Variants in CLNK observed in about 807,000 individuals in gnomAD.
CLNK encodes the protein cytokine dependent hematopoietic cell linker.
In CLNK, 74 loss-of-function variants were observed where a neutral mutation model predicts 68.6. The observed-to-expected ratio is 1.08, with a 90% CI of 0.89 to 1.31. The LOEUF is 1.31. Among genes scored for constraint, CLNK ranks in the 50% most tolerant of loss-of-function variants. The probability of loss-of-function intolerance (pLI) is 0.00; values close to 1 mark genes in which losing one functional copy is unlikely to be tolerated. For synonymous variants in CLNK, 198 were observed against 172.2 expected (o/e 1.15, Z -1.17); for missense variants, 553 against 515.3 (o/e 1.07, Z -0.71).
At chr4:10,568,687 A>G (rs1025722635) in intron 5 of CLNK, among the ~76,000 whole-genome samples, 1 of 152,224 alleles carries the variant, frequency 6.6e-6, no homozygotes, top group African/African-American at 2.4e-5. Flanking sequence ...TACAACAGAA[A>G]GGAACTGGAT....
the CLNK span, among the ~76,000 whole-genome samples, chr4:10,690,318 C>T: frequency 0.17 from 26,315 of 152,118 alleles, 2,835 homozygotes; most frequent in Non-Finnish European, 0.24. Flanking sequence ...AGTATAAGAG[C>T]TCATCCGGCA....
rs186141381 is a variant in CLNK at position 10,570,248 on chromosome 4, A to G, written c.150+1493T>C. Among the ~76,000 whole-genome samples, 717 of 152,260 alleles carry G rather than the reference A, an allele frequency of 4.7e-3. 4 individuals carry two copies. The highest frequency in any genetic ancestry group is 6.5e-3 in the Non-Finnish European group (443 of 68,036). On this transcript the variant is annotated intron_variant, in intron 5 of 18. Transcript: ENST00000226951. ...AGAACTGGGATGTGAGCCTGAACCC[A>G]TTTTCCAACTTTCCACCCAATACCT...
At chr4:10,727,417 A>G in the CLNK span, among the ~76,000 whole-genome samples, 2 of 152,236 alleles carry the variant, frequency 1.3e-5, no homozygotes, top group Non-Finnish European at 2.9e-5. Flanking sequence ...TCACCAAGAC[A>G]TTCACTCACT....
chr4:10,671,850 G>T (rs1343178939), intron 1 of CLNK, among the ~76,000 whole-genome samples: 1 of 152,124 alleles, frequency 6.6e-6, no homozygotes, highest in Non-Finnish European at 1.5e-5. Flanking sequence ...CCTTGAATTG[G>T]CTTAGGTCAG....
At position 10,680,482 on chromosome 4, in the gene CLNK, C is replaced by T. The variant is rs188425881; in HGVS notation, c.-43+4186G>A. On this transcript the variant is annotated intron_variant, in intron 1 of 18. Coordinates refer to ENST00000226951, the MANE Select transcript of CLNK (RefSeq NM_052964.4). ...TGTATACATATGTAACAAACCTGCA[C>T]GTTGTGCACATGTACCCTAAAACTT... Among the ~76,000 whole-genome samples the T allele has an allele frequency of 6.4e-3, 974 of 151,710 alleles. 8 individuals carry two copies. Among genetic ancestry groups the T allele is most frequent in the African/African-American group, 0.022 (900 of 41,326 alleles).
intron 2 of CLNK, among the ~76,000 whole-genome samples, chr4:10,648,057 T>C (rs1310296583): frequency 6.6e-6 from 1 of 152,180 alleles, no homozygotes; most frequent in Non-Finnish European, 1.5e-5. Flanking sequence ...CCAGAAAAAA[T>C]TGGAATCATG....
At chr4:10,626,286 T>G (rs933484525) in intron 2 of CLNK, among the ~76,000 whole-genome samples, 1 of 152,204 alleles carries the variant, frequency 6.6e-6, no homozygotes, top group African/African-American at 2.4e-5. Flanking sequence ...ATGCCTGGAT[T>G]TTAGACAGAC....
chr4:10,676,325 C>T (rs1463346296), intron 1 of CLNK, among the ~76,000 whole-genome samples: 1 of 150,742 alleles, frequency 6.6e-6, no homozygotes, highest in Admixed American at 6.6e-5. Flanking sequence ...TTAAATATAA[C>T]ATTTAATTTT....
At chr4:10,709,781 A>G in the CLNK span, among the ~76,000 whole-genome samples, 3 of 152,202 alleles carry the variant, frequency 2.0e-5, no homozygotes, top group African/African-American at 7.2e-5. Flanking sequence ...ATAAACACCA[A>G]CAGGCTAGAC....
rs555315707 is a variant in CLNK at position 10,505,676 on chromosome 4, G to A, written c.984+2283C>T. ...CATCTGACCTCACTTTCATTATCAC[G>A]TCCCTCCTCTGACTCTGACACTCCT... On this transcript the variant is annotated intron_variant, in intron 17 of 18. Coordinates refer to ENST00000226951, the MANE Select transcript of CLNK (RefSeq NM_052964.4). Among the ~76,000 whole-genome samples, 17 of 152,136 alleles carry A rather than the reference G, an allele frequency of 1.1e-4. No individual in the cohort carries two copies. In the East Asian group the frequency reaches 1.7e-3, roughly 16 times the overall value.
rs1333578376 is a variant in CLNK at position 10,532,260 on chromosome 4, C to T, written c.626G>A (p.Ser209Asn). Residue 209 changes from serine (S) to asparagine (N), a missense_variant, in exon 12 of 19, where the codon AGT becomes AAT. Transcript: ENST00000226951. The part of the protein sequence containing the change: ...MPSQISLRDL[S>N]EVLEAEKVPH... ...AAGGATAAAATTGCTACTTACCTCA[C>T]TTAAGTCCCTTAAGCTTATCTGACT... is the stretch of plus-strand genomic sequence containing the variant. The T allele has an allele frequency of 6.2e-7, 1 of 1,610,408 alleles. No individual in the cohort carries two copies. Among genetic ancestry groups the T allele is most frequent in the Admixed American group, 1.7e-5 (1 of 59,892 alleles).
chr4:10,557,433 C>T (rs1423129005), intron 8 of CLNK, among the ~76,000 whole-genome samples: 1 of 152,148 alleles, frequency 6.6e-6, no homozygotes, highest in African/African-American at 2.4e-5. Context: ...TTGGTCCCCT[C>T]CCCAAGAAGT....
chr4:10,680,373 G>C (rs1421869870), intron 1 of CLNK, among the ~76,000 whole-genome samples: 1 of 130,072 alleles, frequency 7.7e-6, no homozygotes, highest in Non-Finnish European at 1.6e-5. Flanking sequence ...GTGGTGGGTT[G>C]GGGGGAGGGG....
intron 18 of CLNK, among the ~76,000 whole-genome samples, chr4:10,496,216 A>G (rs1716804638): frequency 6.6e-6 from 1 of 152,210 alleles, no homozygotes; most frequent in African/African-American, 2.4e-5. Context: ...ACAAAACTAC[A>G]TGAAATTAAA....
chr4:10,732,762 C>T, the CLNK span, among the ~76,000 whole-genome samples: 1 of 151,874 alleles, frequency 6.6e-6, no homozygotes, highest in Non-Finnish European at 1.5e-5. Context: ...AAATAAATAG[C>T]CACAGGAAGC....
Position 10,558,395 on chromosome 4 carries a change from A to G in CLNK, c.445+12T>C. On this transcript the variant is annotated intron_variant, in intron 8 of 18. Transcript: ENST00000226951. ...ATACTTACATTTTAAACTTCGATTAACATGACTTTACCTTTAATGTTTTGG... is the reference window on the plus strand; with the variant it reads ...ATACTTACATTTTAAACTTCGATTAGCATGACTTTACCTTTAATGTTTTGG... The G allele has an allele frequency of 6.2e-7, 1 of 1,613,124 alleles. No homozygotes were observed. Among genetic ancestry groups the G allele is most frequent in the Non-Finnish European group, 8.5e-7 (1 of 1,179,140 alleles).
intron 2 of CLNK, among the ~76,000 whole-genome samples, chr4:10,662,311 C>T (rs769906630): frequency 1.3e-5 from 2 of 152,186 alleles, no homozygotes; most frequent in Non-Finnish European, 2.9e-5. Flanking sequence ...AATACAGGTT[C>T]GCCATGCTTG....
the CLNK span, among the ~76,000 whole-genome samples, chr4:10,721,827 C>T: frequency 6.6e-6 from 1 of 152,178 alleles, no homozygotes; most frequent in Non-Finnish European, 1.5e-5. Context: ...AACCAAACAA[C>T]CAAGGTTGAC....
the CLNK span, among the ~76,000 whole-genome samples, chr4:10,701,665 G>A: frequency 6.6e-6 from 1 of 152,154 alleles, no homozygotes; most frequent in African/African-American, 2.4e-5. Context: ...CATAGAAAAG[G>A]CTTCACATTT....
Sources: gnomAD v4.1 joint callset for allele counts (sites outside exome capture counted in the v4.1 genomes callset) on GRCh38, gnomAD v4.1.1 for gene constraint, MANE v1.5 for transcripts, NCBI Gene and HGNC (gene_info 2026-07-23, HGNC 2026-07-21) for gene names.